The following PXN variants were observed in gnomAD, a reference collection of about 807,000 sequenced individuals.
PXN encodes the protein paxillin.
A neutral mutation model predicts 103.6 loss-of-function variants in PXN; 61 were observed. That is an observed-to-expected ratio of 0.59 (90% CI 0.48 to 0.73). The LOEUF (loss-of-function observed/expected upper bound fraction) is 0.73. Among genes scored for constraint, PXN ranks in the 30% least tolerant of loss-of-function variants. The probability of loss-of-function intolerance (pLI) is 0.00; values close to 1 mark genes in which losing one functional copy is unlikely to be tolerated. For missense variants in PXN, 1,274 were observed against 1,460.3 expected (o/e 0.87, Z 2.08); for synonymous variants, 562 against 607.8 (o/e 0.92, Z 1.11).
intron 1 of PXN, chr12:120,226,256 A>C: frequency 4.7e-6 from 6 of 1,287,592 alleles, no homozygotes; most frequent in Non-Finnish European, 6.1e-6. Context: ...AAGAAACCCC[A>C]TAGGACTCCC....
At chr12:120,226,861 T>C (rs1442280562) in intron 1 of PXN, 1 of 1,002,144 alleles carries the variant, frequency 1.0e-6, no homozygotes, top group Non-Finnish European at 1.2e-6. Context: ...GTGTGAGGTT[T>C]ATAAGGGCTA....
In PXN at chr12:120,224,643, C is replaced by T; in HGVS notation, c.14-266G>A. The stretch of plus-strand genomic sequence containing the variant: ...GGGGCTGCCCTGTGGGATCTCCTAC[C>T]TCTGGGAGTCAGGCACCTGGCACTG... On this transcript the variant is annotated intron_variant, in intron 1 of 14. Transcript: ENST00000637617. The surrounding 1 kb of genome is among the most constrained non-coding windows in gnomAD (Gnocchi z 5.0). The T allele has an allele frequency of 1.5e-6, 1 of 667,144 alleles. No homozygotes were observed. The allele number at this position is 667,144 out of a possible 1,614,324, so 41.3% of individuals were successfully genotyped here. A position where few individuals can be genotyped will look rare whatever the true frequency, so the allele number is the denominator to read the frequency against.
At position 120,211,791 on chromosome 12, in the gene PXN, T is replaced by C. The variant is rs1880241782; in HGVS notation, c.*523A>G. On this transcript the variant is annotated 3_prime_UTR_variant, in exon 15 of 15. Transcript: ENST00000637617. ...AAGGGTAGGAGGAGCACAGAGAACCTTCCATGGCCCCTTTGGTTCTCTGCC... is the reference window on the plus strand; with the variant it reads ...AAGGGTAGGAGGAGCACAGAGAACCCTCCATGGCCCCTTTGGTTCTCTGCC... The C allele has an allele frequency of 5.0e-6, 2 of 403,344 alleles. No individual in the cohort carries two copies. The highest frequency in any genetic ancestry group is 3.5e-5 in the South Asian group (2 of 56,838). The allele number at this position is 403,344 out of a possible 1,614,324, so 25.0% of individuals were successfully genotyped here.
At position 120,220,528 on chromosome 12, in the gene PXN, G is replaced by A. The variant is rs1307975690; in HGVS notation, c.832-437C>T. 6.6e-6 allele frequency among the ~76,000 whole-genome samples: 1 copy of A among 152,290 alleles called. No homozygotes were observed. Among genetic ancestry groups the A allele is most frequent in the East Asian group, 1.9e-4 (1 of 5,176 alleles). Reference sequence around the variant, plus strand: ...CTTTCCTACACCCCAAGTCCTCTACGTCTTCCACATCCTTGCTCCAGGGAT... The same window carrying A: ...CTTTCCTACACCCCAAGTCCTCTACATCTTCCACATCCTTGCTCCAGGGAT... On this transcript the variant is annotated intron_variant, in intron 6 of 14. Transcript: ENST00000637617. The surrounding 1 kb of genome is among the most constrained non-coding windows in gnomAD (Gnocchi z 6.1).
chr12:120,212,233 A>AC lies in PXN; in HGVS notation c.*80dup, dbSNP rs1474979150. On this transcript the variant is annotated 3_prime_UTR_variant, in exon 15 of 15. Transcript: ENST00000637617. The surrounding 1 kb of genome is among the most constrained non-coding windows in gnomAD (Gnocchi z 7.2). The stretch of plus-strand genomic sequence containing the variant: ...CAGTTTCAGTCGGGTTTACCCCTTC[A>AC]CCCCCGGGTGAAGTCTCTAGGTCAC... The AC allele has an allele frequency of 3.9e-6, 6 of 1,538,860 alleles. No homozygotes were observed. In the African/African-American group the frequency reaches 4.1e-5, roughly 10 times the overall value.
chr12:120,219,895 G>A lies in PXN; in HGVS notation c.1028C>T (p.Pro343Leu), dbSNP rs1412775318. 2 of 1,598,330 alleles carry A rather than the reference G, an allele frequency of 1.3e-6. No homozygotes were observed. The highest frequency in any genetic ancestry group is 1.7e-5 in the Admixed American group (1 of 60,002). Reference protein sequence around the residue: ...TEQSGRGLLPPVAPSWLDLAG... With the variant: ...TEQSGRGLLPLVAPSWLDLAG... ...CAAATCAAGCCAGCTGGGGGCTACA[G>A]GAGGTAGAAGGCCTCGTCCACTCTG... Residue 343 changes from proline (P) to leucine (L), a missense_variant, in exon 7 of 15, where the codon CCT (proline) becomes CTT (leucine). Pro to Leu is a moderately conservative substitution (Grantham distance 98). This residue lies in a region of PXN where 1,178 missense variants were observed against 1,309.0 expected (regional missense o/e 0.90). Transcript: ENST00000637617. This position sits in a 1 kb window ranked among gnomAD's most constrained non-coding sequence, Gnocchi z 6.5.
chr12:120,253,216 T>C (rs978443942), intron 1 of PXN, among the ~76,000 whole-genome samples: 2 of 152,190 alleles, frequency 1.3e-5, no homozygotes, highest in African/African-American at 4.8e-5. Flanking sequence ...CTCACGCCTG[T>C]AATCCCAGCT....
rs1887563345 is a variant in PXN at position 120,229,360 on chromosome 12, C to A, written c.14-4983G>T. ...GATAAAGACTATCAAGACCAGAGGC[C>A]TGGAGCTGGACAGGTGCCAAGAGAG... On this transcript the variant is annotated intron_variant, in intron 1 of 14. Transcript: ENST00000637617. The surrounding 1 kb of genome is among the most constrained non-coding windows in gnomAD (Gnocchi z 4.0). Among the ~76,000 whole-genome samples the A allele has an allele frequency of 6.6e-6, 1 of 152,158 alleles. No individual in the cohort carries two copies. Among genetic ancestry groups the A allele is most frequent in the Non-Finnish European group, 1.5e-5 (1 of 68,048 alleles).
At position 120,224,393 on chromosome 12, in the gene PXN, A is replaced by C; in HGVS notation, c.14-16T>G. 1.3e-6 allele frequency: 2 copies of C among 1,597,752 alleles called. No individual in the cohort carries two copies. The highest frequency in any genetic ancestry group is 1.7e-6 in the Non-Finnish European group (2 of 1,165,584). ...AGCAGGGCGTCTGCAAAGAGAAGGC[A>C]CGGGTAGCAGGTGAGAACCGGGATC... On this transcript the variant is annotated splice_polypyrimidine_tract_variant and intron_variant, in intron 1 of 14. Transcript: ENST00000637617. The surrounding 1 kb of genome is among the most constrained non-coding windows in gnomAD (Gnocchi z 5.0).
chr12:120,224,032 G>C lies in PXN; in HGVS notation c.240+119C>G. On this transcript the variant is annotated intron_variant, in intron 2 of 14. Coordinates refer to ENST00000637617, the MANE Select transcript of PXN (RefSeq NM_001385981.1). This position sits in a 1 kb window ranked among gnomAD's most constrained non-coding sequence, Gnocchi z 5.0. Reference sequence around the variant, plus strand: ...TGGTGAGTGGGAAGAGCAGTGTCTGGTTGGGAAGGGTCGACTGCCCCAATT... The same window carrying C: ...TGGTGAGTGGGAAGAGCAGTGTCTGCTTGGGAAGGGTCGACTGCCCCAATT... The C allele has an allele frequency of 1.1e-6, 1 of 875,548 alleles. No homozygotes were observed. Among genetic ancestry groups the C allele is most frequent in the South Asian group, 1.7e-5 (1 of 57,786 alleles). 54.2% of individuals were successfully genotyped at this position (875,548 alleles called of 1,614,324 possible). A position where few individuals can be genotyped will look rare whatever the true frequency, so the allele number is the denominator to read the frequency against.
rs780449374 is a variant in PXN, at chr12:120,224,455, C to T, written c.14-78G>A. 48 of 1,046,660 alleles carry T rather than the reference C, an allele frequency of 4.6e-5. No homozygotes were observed. The highest frequency in any genetic ancestry group is 6.6e-5 in the Non-Finnish European group (44 of 667,148). The allele number at this position is 1,046,660 out of a possible 1,614,324, so 64.8% of individuals were successfully genotyped here. A position where few individuals can be genotyped will look rare whatever the true frequency, so the allele number is the denominator to read the frequency against. ...CCCGTGGCAGGGCCCTCCCTGCCTG[C>T]ACCTCAAGAGTTAATGCCTTCTAGC... On this transcript the variant is annotated intron_variant, in intron 1 of 14. Transcript: ENST00000637617. This position sits in a 1 kb window ranked among gnomAD's most constrained non-coding sequence, Gnocchi z 5.0.
chr12:120,215,394 A>G lies in PXN; in HGVS notation c.2404-121T>C. On this transcript the variant is annotated intron_variant, in intron 10 of 14. Transcript: ENST00000637617. The surrounding 1 kb of genome is among the most constrained non-coding windows in gnomAD (Gnocchi z 4.9). The stretch of plus-strand genomic sequence containing the variant: ...ATGAGCTGATGGAGACAAGAAGTAC[A>G]ACCTCCTCCAGGGGCCAGGAGCCCT... The G allele has an allele frequency of 1.4e-6, 2 of 1,457,978 alleles. No homozygotes were observed. Among genetic ancestry groups the G allele is most frequent in the Non-Finnish European group, 1.8e-6 (2 of 1,105,300 alleles). The allele number at this position is 1,457,978 out of a possible 1,614,324, so 90.3% of individuals were successfully genotyped here.
chr12:120,265,671 C>A lies in PXN; in HGVS notation c.-42G>T. On this transcript the variant is annotated 5_prime_UTR_variant, in exon 1 of 15. Coordinates refer to ENST00000637617, the MANE Select transcript of PXN (RefSeq NM_001385981.1). The surrounding 1 kb of genome is among the most constrained non-coding windows in gnomAD (Gnocchi z 5.7). ...CCGGCTCAGGGTCGCGCTAGCTGCC[C>A]GTCCCGGGGCCGCTCGTCTATGCCC... is the stretch of plus-strand genomic sequence containing the variant. 3 of 1,438,420 alleles carry A rather than the reference C, an allele frequency of 2.1e-6. No individual in the cohort carries two copies. The highest frequency in any genetic ancestry group is 1.8e-6 in the Non-Finnish European group (2 of 1,097,490). 89.1% of individuals were successfully genotyped at this position (1,438,420 alleles called of 1,614,324 possible). A position where few individuals can be genotyped will look rare whatever the true frequency, so the allele number is the denominator to read the frequency against.
At chr12:120,259,761 G>A (rs1383597726) in intron 1 of PXN, among the ~76,000 whole-genome samples, 1 of 152,214 alleles carries the variant, frequency 6.6e-6, no homozygotes, top group East Asian at 1.9e-4. Context: ...AGGCAGAGTG[G>A]ACCCCGTGAG....
intron 1 of PXN, among the ~76,000 whole-genome samples, chr12:120,253,386 T>C (rs1432958625): frequency 1.3e-5 from 2 of 152,014 alleles, no homozygotes; most frequent in African/African-American, 2.4e-5. Context: ...GACAGGAGAA[T>C]TGCTTGAACC....
At position 120,212,288 on chromosome 12, in the gene PXN, GGGGGGCAGAGAC is replaced by G; in HGVS notation, c.*14_*25del. 2 of 1,602,262 alleles carry G rather than the reference GGGGGGCAGAGAC, an allele frequency of 1.2e-6. No individual in the cohort carries two copies. The highest frequency in any genetic ancestry group is 1.7e-6 in the Non-Finnish European group (2 of 1,173,666). ...GCAGTTGGGGATGCTGGCTGGGGAA[GGGGGGCAGAGAC>G]AGGGGCAGGGCACCTAGCAGAAGAG... On this transcript the variant is annotated 3_prime_UTR_variant, in exon 15 of 15. Transcript: ENST00000637617. This position sits in a 1 kb window ranked among gnomAD's most constrained non-coding sequence, Gnocchi z 7.2.
Position 120,219,438 on chromosome 12 carries a change from C to G in PXN, c.1485G>C (p.Glu495Asp), listed in dbSNP as rs370477551. The change falls in exon 7 of 15, where the codon GAG (glutamate) becomes GAC (aspartate). Residue 495 changes from glutamate (E) to aspartate (D), a missense_variant. By Grantham distance (45) the Glu-to-Asp change is conservative. This residue lies in a region of PXN where 1,178 missense variants were observed against 1,309.0 expected (regional missense o/e 0.90). Transcript: ENST00000637617. This position sits in a 1 kb window ranked among gnomAD's most constrained non-coding sequence, Gnocchi z 6.5. ...GGGAGCTGCTTCCCAGCCTCCCTGG[C>G]TCTGGCCTTGGCCTCTCCTGCTGTA... ...HGLQQERPRP[E>D]PGRLGSSSPA... is the part of the protein sequence containing the mutation. The G allele has an allele frequency of 1.3e-5, 20 of 1,598,166 alleles. No homozygotes were observed. In the African/African-American group the frequency reaches 2.7e-4, roughly 21 times the overall value.
rs893232605 is a variant in PXN at position 120,220,392 on chromosome 12, G to A, written c.832-301C>T. Among the ~76,000 whole-genome samples the A allele has an allele frequency of 2.1e-4, 32 of 152,128 alleles. No homozygotes were observed. Among genetic ancestry groups the A allele is most frequent in the Admixed American group, 2.0e-3 (30 of 15,278 alleles). On this transcript the variant is annotated intron_variant, in intron 6 of 14. Transcript: ENST00000637617. The surrounding 1 kb of genome is among the most constrained non-coding windows in gnomAD (Gnocchi z 6.1). ...AAGGTGGACAAATGGGGAGCCAGGT[G>A]GCTACGGAAGACAGCCCCAGGCACA... is the stretch of plus-strand genomic sequence containing the variant.
chr12:120,225,947 T>C lies in PXN; in HGVS notation c.14-1570A>G. On this transcript the variant is annotated intron_variant, in intron 1 of 14. Transcript: ENST00000637617. The surrounding 1 kb of genome is among the most constrained non-coding windows in gnomAD (Gnocchi z 4.4). Reference sequence around the variant, plus strand: ...CCAGATGGACAGAGGGGATGTCTGTTCCAAGGCCCAGGACCCCGGGTCTGG... The same window carrying C: ...CCAGATGGACAGAGGGGATGTCTGTCCCAAGGCCCAGGACCCCGGGTCTGG... 1.8e-6 allele frequency: 1 copy of C among 570,346 alleles called. No individual in the cohort carries two copies. Among genetic ancestry groups the C allele is most frequent in the South Asian group, 4.1e-5 (1 of 24,410 alleles). 35.3% of individuals were successfully genotyped at this position (570,346 alleles called of 1,614,324 possible). A position where few individuals can be genotyped will look rare whatever the true frequency, so the allele number is the denominator to read the frequency against.
Sources: allele counts gnomAD v4.1 joint callset (sites outside exome capture counted in the v4.1 genomes callset), GRCh38; gene constraint gnomAD v4.1.1; regional missense constraint gnomAD v4.1.1; non-coding constraint Gnocchi (gnomAD v3.1); transcripts MANE v1.5; gene names NCBI Gene and HGNC (gene_info 2026-07-23, HGNC 2026-07-21).